The following ITGB5 variants were observed in gnomAD, a reference collection of about 807,000 sequenced individuals.
ITGB5 encodes the protein integrin subunit beta 5, also known as integrin beta-5.
Under a neutral mutation model 84.8 loss-of-function variants are expected in ITGB5, and 38 were observed. That is an observed-to-expected ratio of 0.45 (90% CI 0.35 to 0.59). The LOEUF (loss-of-function observed/expected upper bound fraction) is 0.59, where lower values mean the gene tolerates loss of function less well. Among genes scored for constraint, ITGB5 ranks in the 20% least tolerant of loss-of-function variants. The pLI is 0.01. For missense variants in ITGB5, 905 were observed against 1,034.5 expected, an observed-to-expected ratio of 0.87 and a Z score of 1.72; for synonymous variants, 393 against 414.4, an observed-to-expected ratio of 0.95 and a Z score of 0.63.
At chr3:124,890,535 G>A (rs6789354), upstream of ITGB5, among the ~76,000 whole-genome samples, 7,984 of 152,100 alleles carry the variant, frequency 0.052, 680 homozygotes, top group African/African-American at 0.18. Context: ...CCTGTGGAGC[G>A]GATCTTCTGC....
At chr3:124,781,225 A>G (rs2064000736) in intron 10 of ITGB5, 1 of 152,192 alleles carries the variant, frequency 6.6e-6, no homozygotes, top group Non-Finnish European at 1.5e-5. Context: ...GGCCAAACAC[A>G]TACATAAGCT....
chr3:124,869,517 G>A (rs746998130), intron 2 of ITGB5, among the ~76,000 whole-genome samples: 39 of 152,200 alleles, frequency 2.6e-4, no homozygotes, highest in Non-Finnish European at 7.3e-5. Flanking sequence ...TGAAGCTAGA[G>A]TGAGCCATGA....
chr3:124,857,696 G>C (rs1401136874), intron 3 of ITGB5, among the ~76,000 whole-genome samples: 1 of 152,182 alleles, frequency 6.6e-6, no homozygotes, highest in Non-Finnish European at 1.5e-5. Flanking sequence ...CTTTGACATT[G>C]CAAGGCTTCT....
intron 10 of ITGB5, among the ~76,000 whole-genome samples, chr3:124,775,338 G>A (rs1460516504): frequency 6.6e-6 from 1 of 152,064 alleles, no homozygotes; most frequent in African/African-American, 2.4e-5. Flanking sequence ...GTGTTGGAGT[G>A]CAAGTGTGAG....
chr3:124,849,016 G>A (rs1365208690), intron 3 of ITGB5, among the ~76,000 whole-genome samples: 3 of 152,100 alleles, frequency 2.0e-5, no homozygotes, highest in Admixed American at 2.0e-4. Flanking sequence ...CTGGCCTCAA[G>A]TGATCCACCT....
chr3:124,865,474 C>CTT (rs1559977008), intron 2 of ITGB5, among the ~76,000 whole-genome samples: 15 of 57,870 alleles, frequency 2.6e-4, no homozygotes, highest in South Asian at 6.1e-4. Flanking sequence ...TCCTTTGCGG[C>CTT]TTTTTTCTTT....
chr3:124,893,332 TAGG>T (rs1430448182), intron 1 of ITGB5, among the ~76,000 whole-genome samples: 1 of 152,058 alleles, frequency 6.6e-6, no homozygotes, highest in Admixed American at 6.5e-5. Flanking sequence ...TGCTTGAATC[TAGG>T]AGGTGAAGGT....
intron 1 of ITGB5, among the ~76,000 whole-genome samples, chr3:124,874,185 T>G (rs951228146): frequency 1.3e-5 from 2 of 150,358 alleles, no homozygotes; most frequent in African/African-American, 4.9e-5. Flanking sequence ...CTAGGCAACA[T>G]AGGGTCCCTG....
chr3:124,833,578 T>C (rs2064888000), intron 5 of ITGB5, among the ~76,000 whole-genome samples: 1 of 152,224 alleles, frequency 6.6e-6, no homozygotes, highest in South Asian at 2.1e-4. Context: ...ATAGTACTTC[T>C]GGTTCTGCTT....
chr3:124,846,444 C>CAA (rs893165855), intron 4 of ITGB5, among the ~76,000 whole-genome samples: 11 of 142,404 alleles, frequency 7.7e-5, no homozygotes, highest in African/African-American at 2.6e-4. Flanking sequence ...AAAAAACCAA[C>CAA]AAAAAAAAAA....
intron 1 of ITGB5, among the ~76,000 whole-genome samples, chr3:124,896,746 TAAAAAA>T (rs34601718): frequency 1.0e-4 from 13 of 124,576 alleles, no homozygotes; most frequent in Non-Finnish European, 1.3e-4. Flanking sequence ...GACCTTGTCT[TAAAAAA>T]AAAAAAAAAA....
intron 13 of ITGB5, 89 bp from the exon 14 acceptor site, chr3:124,764,646 C>T (rs1002456649): frequency 1.2e-5 from 16 of 1,349,464 alleles, no homozygotes; most frequent in African/African-American, 2.9e-5. Context: ...ATGAAAGTTG[C>T]ACCCCTTCCA....
chr3:124,781,973 C>T (rs4677943), intron 10 of ITGB5, among the ~76,000 whole-genome samples: 42,789 of 152,084 alleles, frequency 0.28, 6,909 homozygotes, highest in African/African-American at 0.42. Context: ...TCTTATAGGA[C>T]ATGGGATATT....
chr3:124,860,048 G>T (rs848798), intron 2 of ITGB5, among the ~76,000 whole-genome samples: 5 of 152,012 alleles, frequency 3.3e-5, no homozygotes, highest in Non-Finnish European at 7.4e-5. Flanking sequence ...TCTTTCACAG[G>T]CATTGGATGC....
intron 5 of ITGB5, among the ~76,000 whole-genome samples, chr3:124,823,620 T>TATATATATAAACTATATATAA (rs1162924404): frequency 2.7e-5 from 4 of 149,134 alleles, no homozygotes; most frequent in Non-Finnish European, 4.4e-5. Flanking sequence ...AGATGTATAG[T>TATATATATAAACTATATATAA]ATATATATAA....
intron 11 of ITGB5, 150 bp from the exon 12 acceptor site, chr3:124,769,263 TTTC>T (rs1468668816): frequency 3.1e-5 from 19 of 619,064 alleles, no homozygotes; most frequent in East Asian, 2.0e-4. Context: ...CTGCTCTGCC[TTTC>T]TTCTTGTTAT....
At chr3:124,825,956 A>G (rs1386022134) in intron 5 of ITGB5, among the ~76,000 whole-genome samples, 3 of 152,234 alleles carry the variant, frequency 2.0e-5, no homozygotes, top group Non-Finnish European at 2.9e-5. Flanking sequence ...ATAAACTCAG[A>G]TATCTCCTCT....
At position 124,764,617 on chromosome 3, in the gene ITGB5, A is replaced by T; in HGVS notation, c.2138-60T>A. Reference sequence around the variant, plus strand: ...TAGCATCACCATGCCCCTCTCACGCAACTGCAGGCATTTCTGAGATGAAAG... The same window carrying T: ...TAGCATCACCATGCCCCTCTCACGCTACTGCAGGCATTTCTGAGATGAAAG... On this transcript the variant is annotated intron_variant, in intron 13 of 14. Transcript: ENST00000296181. 5.9e-6 allele frequency: 9 copies of T among 1,520,560 alleles called. No individual in the cohort carries two copies. In the South Asian group the frequency reaches 1.1e-4, roughly 18 times the overall value. The allele number at this position is 1,520,560 out of a possible 1,614,324, so 94.2% of individuals were successfully genotyped here. A position where few individuals can be genotyped will look rare whatever the true frequency, so the allele number is the denominator to read the frequency against.
At chr3:124,766,079 AAAAG>A (rs1293875933) in intron 13 of ITGB5, 143 bp downstream of exon 13, 27 of 834,080 alleles carry the variant, frequency 3.2e-5, no homozygotes, top group East Asian at 8.0e-5. Context: ...AAAAAAAAGA[AAAAG>A]AAGAAATTGT....
Sources: gnomAD v4.1 joint callset for allele counts (sites outside exome capture counted in the v4.1 genomes callset) on GRCh38, gnomAD v4.1.1 for gene constraint, MANE v1.5 for transcripts, NCBI Gene and HGNC (gene_info 2026-07-23, HGNC 2026-07-21) for gene names.